CMIP: variants seen among roughly 807,000 people sequenced by gnomAD.
The protein encoded by CMIP is C-Maf-inducing protein.
In CMIP, 13 loss-of-function variants were observed where a neutral mutation model predicts 97.3. The ratio of observed to expected loss-of-function variants is 0.13; its 90% CI spans 0.09 to 0.21. CMIP has a LOEUF of 0.21. Among genes scored for constraint, CMIP ranks in the 10% least tolerant of loss-of-function variants. The pLI is 1.00. For missense variants in CMIP, 847 were observed against 1,024.9 expected (o/e 0.83, Z 2.37); for synonymous variants, 538 against 436.3 (o/e 1.23, Z -2.91).
At chr16:81,590,823 TCATCCATCCATCCATCCATCCATCCATC>T (rs79228744) in intron 1 of CMIP, among the ~76,000 whole-genome samples, 2 of 150,644 alleles carry the variant, frequency 1.3e-5, no homozygotes, top group Admixed American at 6.6e-5. Context: ...TCACTTTCTC[TCATCCATCCATCCATCCATCCATCCATC>T]CATCCATCCA....
chr16:81,544,932 A>AT (rs892604862), intron 1 of CMIP, among the ~76,000 whole-genome samples: 8 of 150,754 alleles, frequency 5.3e-5, no homozygotes, highest in East Asian at 2.0e-4. Context: ...TCAACCCCTC[A>AT]TTTTTTTGGC....
At chr16:81,596,360 G>A (rs922003599) in intron 1 of CMIP, among the ~76,000 whole-genome samples, 1 of 152,058 alleles carries the variant, frequency 6.6e-6, no homozygotes, top group Non-Finnish European at 1.5e-5. Context: ...ACAGAAATTA[G>A]CTGTCTGTGG....
chr16:81,513,012 C>A (rs926892868), intron 1 of CMIP, among the ~76,000 whole-genome samples: 1 of 152,246 alleles, frequency 6.6e-6, no homozygotes, highest in South Asian at 2.1e-4. Flanking sequence ...GCTGGGATTA[C>A]AGGCGTGAGC....
intron 1 of CMIP, among the ~76,000 whole-genome samples, chr16:81,459,753 C>G (rs1026318570): frequency 6.6e-6 from 1 of 152,222 alleles, no homozygotes; most frequent in South Asian, 2.1e-4. Context: ...CCACCCCAAG[C>G]AGGCCCTGCC....
chr16:81,486,512 G>C (rs953842484), intron 1 of CMIP, among the ~76,000 whole-genome samples: 22 of 152,162 alleles, frequency 1.4e-4, no homozygotes, highest in Non-Finnish European at 2.6e-4. Context: ...ATTCAGGAGG[G>C]GTGCCCAGGG....
chr16:81,673,479 G>A (rs1451629011), intron 9 of CMIP, among the ~76,000 whole-genome samples: 5 of 152,066 alleles, frequency 3.3e-5, no homozygotes, highest in Admixed American at 1.3e-4. Flanking sequence ...TCACACCACT[G>A]CACTCCAGCC....
In CMIP at chr16:81,621,062, C is replaced by G; in HGVS notation, c.477+136C>G. On this transcript the variant is annotated intron_variant, in intron 3 of 20. Coordinates refer to ENST00000537098, the MANE Select transcript of CMIP (RefSeq NM_198390.3). The surrounding 1 kb of genome is among the most constrained non-coding windows in gnomAD (Gnocchi z 4.1). ...GGCTCAGCTGAGGAACTTTGTTCCC[C>G]TACCTAAGAGCCCCTGGCCCTTCGT... The G allele has an allele frequency of 4.9e-6, 5 of 1,030,074 alleles. No homozygotes were observed. The highest frequency in any genetic ancestry group is 7.1e-6 in the Non-Finnish European group (5 of 700,138). The allele number at this position is 1,030,074 out of a possible 1,614,324, so 63.8% of individuals were successfully genotyped here. A position where few individuals can be genotyped will look rare whatever the true frequency, so the allele number is the denominator to read the frequency against.
intron 1 of CMIP, chr16:81,603,337 C>T (rs188198081): frequency 1.8e-5 from 8 of 453,100 alleles, no homozygotes; most frequent in African/African-American, 1.2e-4. Flanking sequence ...CCACCTTGGC[C>T]TCCCAAAGTG....
intron 1 of CMIP, among the ~76,000 whole-genome samples, chr16:81,588,798 T>C (rs1293295597): frequency 1.3e-5 from 2 of 152,160 alleles, no homozygotes; most frequent in Non-Finnish European, 2.9e-5. Context: ...CTGACATTCA[T>C]TGAGCACTTA....
intron 1 of CMIP, among the ~76,000 whole-genome samples, chr16:81,446,180 A>T (rs978248402): frequency 1.3e-5 from 2 of 151,512 alleles, no homozygotes; most frequent in African/African-American, 4.9e-5. Context: ...ATATCTCAGG[A>T]CCCAGCGGTG....
intron 1 of CMIP, among the ~76,000 whole-genome samples, chr16:81,579,930 C>T (rs1034055335): frequency 7.2e-5 from 11 of 151,964 alleles, no homozygotes; most frequent in Admixed American, 1.3e-4. Context: ...CACTCCAGCC[C>T]GCCTGGGCGA....
intron 1 of CMIP, among the ~76,000 whole-genome samples, chr16:81,558,397 T>A (rs2090810895): frequency 1.3e-5 from 2 of 152,204 alleles, no homozygotes; most frequent in Admixed American, 6.5e-5. Context: ...TACCTGGAAA[T>A]GGAACGTCTG....
intron 15 of CMIP, among the ~76,000 whole-genome samples, chr16:81,701,025 C>G (rs1008013513): frequency 1.4e-4 from 22 of 151,838 alleles, no homozygotes; most frequent in Admixed American, 1.4e-3. Flanking sequence ...TGGCATGCAC[C>G]TGTAGTTCCA....
chr16:81,462,628 G>A (rs915723836), intron 1 of CMIP, among the ~76,000 whole-genome samples: 3 of 152,204 alleles, frequency 2.0e-5, no homozygotes, highest in African/African-American at 7.2e-5. Context: ...GCTGTGTTTA[G>A]TCTTCTTGGT....
Position 81,614,068 on chromosome 16 carries a change from G to T in CMIP, c.426+6376G>T, listed in dbSNP as rs2091873925. On this transcript the variant is annotated intron_variant, in intron 2 of 20. Coordinates refer to ENST00000537098, the MANE Select transcript of CMIP (RefSeq NM_198390.3). This position sits in a 1 kb window ranked among gnomAD's most constrained non-coding sequence, Gnocchi z 5.3. ...AGGCGAGGCATTCTGGCCTGGTTTG[G>T]TTGGGGATGGGGAGGGGAAGGCACC... Among the ~76,000 whole-genome samples the T allele has an allele frequency of 6.6e-6, 1 of 152,214 alleles. No homozygotes were observed. The highest frequency in any genetic ancestry group is 2.4e-5 in the African/African-American group (1 of 41,454).
chr16:81,590,372 G>C (rs1402423616), intron 1 of CMIP, among the ~76,000 whole-genome samples: 1 of 152,190 alleles, frequency 6.6e-6, no homozygotes, highest in African/African-American at 2.4e-5. Flanking sequence ...GGAGGCTTCT[G>C]TCACACTGGC....
intron 1 of CMIP, among the ~76,000 whole-genome samples, chr16:81,478,290 G>C (rs566997512): frequency 6.6e-6 from 1 of 152,354 alleles, no homozygotes; most frequent in East Asian, 1.9e-4. Context: ...CAGGGGCAGA[G>C]GGAGTGGTAA....
At chr16:81,600,934 G>A (rs2091646889) in intron 1 of CMIP, among the ~76,000 whole-genome samples, 2 of 152,072 alleles carry the variant, frequency 1.3e-5, no homozygotes, top group Admixed American at 1.3e-4. Context: ...TCTCCTTTGG[G>A]GCCCCAGGGT....
chr16:81,458,640 G>A (rs1458287063), intron 1 of CMIP, among the ~76,000 whole-genome samples: 1 of 152,170 alleles, frequency 6.6e-6, no homozygotes, highest in Admixed American at 6.5e-5. Flanking sequence ...GCAGGGAGGT[G>A]GAGGCGTTAA....
Sources: allele counts gnomAD v4.1 joint callset (sites outside exome capture counted in the v4.1 genomes callset), GRCh38; gene constraint gnomAD v4.1.1; non-coding constraint Gnocchi (gnomAD v3.1); transcripts MANE v1.5; gene names NCBI Gene and HGNC (gene_info 2026-07-23, HGNC 2026-07-21).